The following DCUN1D2 variants were observed in gnomAD, a reference collection of about 807,000 sequenced individuals.
DCUN1D2 encodes the protein DCN1-like protein 2.
In DCUN1D2, 29 loss-of-function variants were observed where a neutral mutation model predicts 30.9. That is an observed-to-expected ratio of 0.94 (90% CI 0.70 to 1.28). The LOEUF (loss-of-function observed/expected upper bound fraction) is 1.28. DCUN1D2 is among the 50% of genes most tolerant of loss of function. The pLI is 0.00. For synonymous variants in DCUN1D2, 121 were observed against 115.3 expected, an observed-to-expected ratio of 1.05 and a Z score of -0.32; for missense variants, 325 against 316.9, an observed-to-expected ratio of 1.03 and a Z score of -0.19.
intron 3 of DCUN1D2, among the ~76,000 whole-genome samples, chr13:113,479,824 T>C (rs186118803): frequency 1.3e-5 from 2 of 152,352 alleles, no homozygotes; most frequent in South Asian, 2.1e-4. Flanking sequence ...TCAAGTATTA[T>C]ATACTGCACA....
rs1239575807 is a variant in DCUN1D2, at chr13:113,488,424, T to C, written c.3+2243A>G. Among the ~76,000 whole-genome samples, 3 of 152,236 alleles carry C rather than the reference T, an allele frequency of 2.0e-5. No homozygotes were observed. The highest frequency in any genetic ancestry group is 4.4e-5 in the Non-Finnish European group (3 of 68,040). On this transcript the variant is annotated intron_variant, in intron 1 of 6. Transcript: ENST00000478244. This position sits in a 1 kb window ranked among gnomAD's most constrained non-coding sequence, Gnocchi z 4.3. ...TAACAGTGATTAAAGCAATGATCGATAGCTAAGTCTAAAGACTAGGTGCTT... is the reference window on the plus strand; with the variant it reads ...TAACAGTGATTAAAGCAATGATCGACAGCTAAGTCTAAAGACTAGGTGCTT...
At chr13:113,458,684 G>A (rs2044267498) in intron 6 of DCUN1D2, among the ~76,000 whole-genome samples, 1 of 152,338 alleles carries the variant, frequency 6.6e-6, no homozygotes, top group South Asian at 2.1e-4. Context: ...GACACAAAGA[G>A]AAGCAGAAGC....
In DCUN1D2 at chr13:113,474,185, C is replaced by T. The variant is rs2044572085; in HGVS notation, c.459G>A (p.Lys153=). 2 of 1,614,172 alleles carry T rather than the reference C, an allele frequency of 1.2e-6. No individual in the cohort carries two copies. Among genetic ancestry groups the T allele is most frequent in the Non-Finnish European group, 1.7e-6 (2 of 1,180,000 alleles). Residue 153 remains lysine, a synonymous_variant, in exon 4 of 7, where the codon AAG becomes AAA. Coordinates refer to ENST00000478244, the MANE Select transcript of DCUN1D2 (RefSeq NM_001014283.2). Reference sequence around the variant, plus strand: ...AGGTAAACTGATAAAAATCTTTAAACTTGGCTGTGTCCTTCAGCTCCTGCT... The same window carrying T: ...AGGTAAACTGATAAAAATCTTTAAATTTGGCTGTGTCCTTCAGCTCCTGCT... The part of the protein sequence containing the change: ...RLEQELKDTA[K]FKDFYQFTFT...
intron 4 of DCUN1D2, among the ~76,000 whole-genome samples, chr13:113,471,992 C>T (rs774415916): frequency 6.6e-6 from 1 of 152,152 alleles, no homozygotes; most frequent in Non-Finnish European, 1.5e-5. Context: ...AGGTAAGGCC[C>T]AACTATTGTT....
At chr13:113,460,965 G>A (rs1040992009) in intron 5 of DCUN1D2, 89 bp downstream of exon 5, 12 of 783,826 alleles carry the variant, frequency 1.5e-5, no homozygotes, top group Non-Finnish European at 2.5e-5. Context: ...CTCCACGTGT[G>A]AGACCTGAGG....
chr13:113,458,625 C>T (rs142690891), intron 6 of DCUN1D2, among the ~76,000 whole-genome samples: 1 of 152,236 alleles, frequency 6.6e-6, no homozygotes, highest in African/African-American at 2.4e-5. Flanking sequence ...TTTCATTTGA[C>T]AAGCATTTAC....
intron 1 of DCUN1D2, chr13:113,484,299 T>C (rs2044763727): frequency 5.4e-6 from 4 of 746,390 alleles, no homozygotes; most frequent in Non-Finnish European, 8.0e-6. Context: ...CTGATCTCTA[T>C]CCAGTTCACT....
chr13:113,487,994 A>T (rs2044838107), intron 1 of DCUN1D2, among the ~76,000 whole-genome samples: 1 of 152,226 alleles, frequency 6.6e-6, no homozygotes, highest in Non-Finnish European at 1.5e-5. Context: ...CAAATCTGGA[A>T]GATATGATGG....
chr13:113,470,142 T>C (rs534428240), intron 4 of DCUN1D2, among the ~76,000 whole-genome samples: 27 of 152,352 alleles, frequency 1.8e-4, no homozygotes, highest in African/African-American at 5.3e-4. Flanking sequence ...TCACTGCCCC[T>C]TTTCTATGCT....
At chr13:113,461,255 G>C (rs2044313607) in intron 4 of DCUN1D2, 119 bp from the exon 5 acceptor site, 1 of 646,792 alleles carries the variant, frequency 1.5e-6, no homozygotes, top group Non-Finnish European at 2.7e-6. Context: ...TCTCACCCAA[G>C]AGTCATGAGG....
chr13:113,491,476 A>G (rs1469197103), upstream of DCUN1D2, among the ~76,000 whole-genome samples: 1 of 120,318 alleles, frequency 8.3e-6, no homozygotes, highest in South Asian at 2.5e-4. Context: ...TTCCCTTCCC[A>G]GGGGTCCCCT....
In DCUN1D2 at chr13:113,490,252, C is replaced by G. The variant is rs886936414; in HGVS notation, c.3+415G>C. 2.0e-5 allele frequency among the ~76,000 whole-genome samples: 3 copies of G among 152,196 alleles called. No individual in the cohort carries two copies. Among genetic ancestry groups the G allele is most frequent in the Admixed American group, 1.3e-4 (2 of 15,280 alleles). On this transcript the variant is annotated intron_variant, in intron 1 of 6. Transcript: ENST00000478244. This position sits in a 1 kb window ranked among gnomAD's most constrained non-coding sequence, Gnocchi z 5.2. The stretch of plus-strand genomic sequence containing the variant: ...GAGCTTCTCGCGGATTCCTTCCTTG[C>G]GCTGTTTTGGTCAACAGCCTCAGCA...
intron 3 of DCUN1D2, among the ~76,000 whole-genome samples, chr13:113,476,660 A>C (rs1307809868): frequency 1.3e-5 from 2 of 151,954 alleles, no homozygotes; most frequent in Non-Finnish European, 2.9e-5. Flanking sequence ...ACTATAATAC[A>C]CTCTATCGGC....
chr13:113,457,903 C>A lies in DCUN1D2; in HGVS notation c.*126G>T. 1 of 897,656 alleles carries A rather than the reference C, an allele frequency of 1.1e-6. No homozygotes were observed. The highest frequency in any genetic ancestry group is 1.9e-5 in the Admixed American group (1 of 51,574). The allele number at this position is 897,656 out of a possible 1,614,324, so 55.6% of individuals were successfully genotyped here. On this transcript the variant is annotated 3_prime_UTR_variant, in exon 7 of 7. Transcript: ENST00000478244. ...GCTGTCCTCCGGCAGAATGGGATGG[C>A]GCCTCTGGTTTCATGGCTGGTCAAG...
intron 4 of DCUN1D2, among the ~76,000 whole-genome samples, chr13:113,471,995 C>A (rs1315069142): frequency 2.6e-5 from 4 of 152,190 alleles, no homozygotes; most frequent in African/African-American, 9.6e-5. Context: ...TAAGGCCCAA[C>A]TATTGTTTTA....
rs547714391 is a variant in DCUN1D2 at position 113,468,511 on chromosome 13, A to G, written c.520+5613T>C. On this transcript the variant is annotated intron_variant, in intron 4 of 6. Coordinates refer to ENST00000478244, the MANE Select transcript of DCUN1D2 (RefSeq NM_001014283.2). ...TTAGTGCTATTGAACCGTACACTTA[A>G]AAACAGTTAAAATGGTTAAAAGACA... Among the ~76,000 whole-genome samples, 4 of 152,358 alleles carry G rather than the reference A, an allele frequency of 2.6e-5. No individual in the cohort carries two copies. In the South Asian group the frequency reaches 6.2e-4, roughly 24 times the overall value.
chr13:113,484,187 GCA>G (rs1322046796), intron 1 of DCUN1D2, 131 bp from the exon 2 acceptor site: 3 of 1,468,556 alleles, frequency 2.0e-6, no homozygotes, highest in African/African-American at 1.4e-5. Flanking sequence ...TACAAAGACT[GCA>G]CAGTCTTCTG....
At position 113,457,824 on chromosome 13, in the gene DCUN1D2, C is replaced by G. The variant is rs1380136271; in HGVS notation, c.*205G>C. 1.7e-6 allele frequency: 1 copy of G among 571,922 alleles called. No homozygotes were observed. Among genetic ancestry groups the G allele is most frequent in the Non-Finnish European group, 3.2e-6 (1 of 316,848 alleles). The allele number at this position is 571,922 out of a possible 1,614,324, so 35.4% of individuals were successfully genotyped here. ...CTATGATGACAAATCTCCAAACATC[C>G]CAAAGCAGCCGTGTCCCGAGGAACT... On this transcript the variant is annotated 3_prime_UTR_variant, in exon 7 of 7. Coordinates refer to ENST00000478244, the MANE Select transcript of DCUN1D2 (RefSeq NM_001014283.2).
At position 113,480,551 on chromosome 13, in the gene DCUN1D2, T is replaced by C. The variant is rs144706291; in HGVS notation, c.389+24A>G. The C allele has an allele frequency of 1.0e-3, 1,616 of 1,612,052 alleles. 18 individuals are homozygous for C. The African/African-American group carries it at 0.02, about 19-fold the overall frequency. On this transcript the variant is annotated intron_variant, in intron 3 of 6. Coordinates refer to ENST00000478244, the MANE Select transcript of DCUN1D2 (RefSeq NM_001014283.2). ...GAAGTATTTTCATTTCTGAAAACAT[T>C]TAAGCTAAGAATAGTTGACTTACCC...
Sources: allele counts gnomAD v4.1 joint callset (sites outside exome capture counted in the v4.1 genomes callset), GRCh38; gene constraint gnomAD v4.1.1; non-coding constraint Gnocchi (gnomAD v3.1); transcripts MANE v1.5; gene names NCBI Gene and HGNC (gene_info 2026-07-23, HGNC 2026-07-21).